RAPGEF2: variants seen among roughly 807,000 people sequenced by gnomAD.
RAPGEF2 encodes the protein PDZ domain containing guanine nucleotide exchange factor (GEF) 1.
RAPGEF2 carries 54 observed loss-of-function variants against 186.7 expected under a neutral mutation model. The observed-to-expected ratio is 0.29, with a 90% confidence interval of 0.23 to 0.36. RAPGEF2 has a LOEUF of 0.36. Among genes scored for constraint, RAPGEF2 ranks in the 10% least tolerant of loss-of-function variants. The pLI is 1.00. For missense variants in RAPGEF2, 1,532 were observed against 2,045.0 expected, an observed-to-expected ratio of 0.75 and a Z score of 4.84; for synonymous variants, 712 against 705.9, an observed-to-expected ratio of 1.01 and a Z score of -0.14.
Position 159,104,242 on chromosome 4 carries a change from G to C in RAPGEF2, c.69+11G>C, listed in dbSNP as rs781069488. 4 of 1,374,172 alleles carry C rather than the reference G, an allele frequency of 2.9e-6. No individual in the cohort carries two copies. Among genetic ancestry groups the C allele is most frequent in the Non-Finnish European group, 3.8e-6 (4 of 1,059,438 alleles). 85.1% of individuals were successfully genotyped at this position (1,374,172 alleles called of 1,614,324 possible). ...GAAAGGACCCCCCAGGTGAGAACGCGGCGGCCGCCTGCCCTTGGCCGGATT... is the reference window on the plus strand; with the variant it reads ...GAAAGGACCCCCCAGGTGAGAACGCCGCGGCCGCCTGCCCTTGGCCGGATT... On this transcript the variant is annotated intron_variant, in intron 1 of 29. Transcript: ENST00000691494.
intron 8 of RAPGEF2, among the ~76,000 whole-genome samples, chr4:159,306,391 A>G (rs992053948): frequency 1.3e-4 from 20 of 152,030 alleles, no homozygotes; most frequent in African/African-American, 4.8e-4. Flanking sequence ...TTCTGTAGCT[A>G]TTGCAAATGA....
chr4:159,257,311 C>T (rs1756293982), intron 7 of RAPGEF2, among the ~76,000 whole-genome samples: 1 of 152,144 alleles, frequency 6.6e-6, no homozygotes, highest in Admixed American at 6.6e-5. Flanking sequence ...GGGGAAACCT[C>T]ACAATCATGG....
At chr4:159,358,061 A>C in intron 29 of RAPGEF2, 53 bp from the exon 30 acceptor site, 3 of 1,574,662 alleles carry the variant, frequency 1.9e-6, no homozygotes, top group Middle Eastern at 1.7e-4. Flanking sequence ...CTATAGCACA[A>C]GAAATTACTT....
chr4:159,221,802 A>C (rs778471492), intron 4 of RAPGEF2, among the ~76,000 whole-genome samples: 1 of 152,214 alleles, frequency 6.6e-6, no homozygotes, highest in Non-Finnish European at 1.5e-5. Context: ...TATAAGGCAA[A>C]GGCTTAAAGA....
intron 3 of RAPGEF2, among the ~76,000 whole-genome samples, chr4:159,203,480 G>C (rs1749660620): frequency 6.6e-6 from 1 of 152,194 alleles, no homozygotes; most frequent in African/African-American, 2.4e-5. Flanking sequence ...GCACTGGGAA[G>C]CTGGAAGAAA....
intron 5 of RAPGEF2, among the ~76,000 whole-genome samples, chr4:159,239,333 G>A (rs1048738114): frequency 2.6e-5 from 4 of 152,144 alleles, no homozygotes; most frequent in African/African-American, 9.6e-5. Context: ...ATAACCAAAT[G>A]GAACTTGTGT....
At chr4:159,206,874 C>T (rs1279651270) in intron 3 of RAPGEF2, among the ~76,000 whole-genome samples, 1 of 152,194 alleles carries the variant, frequency 6.6e-6, no homozygotes, top group African/African-American at 2.4e-5. Context: ...AGGGGTTTTT[C>T]TAGCTTACAA....
At chr4:159,320,864 T>C (rs1765157358) in intron 9 of RAPGEF2, among the ~76,000 whole-genome samples, 1 of 152,010 alleles carries the variant, frequency 6.6e-6, no homozygotes, top group Non-Finnish European at 1.5e-5. Flanking sequence ...ACAAGAAACA[T>C]CTAGTATGAT....
intron 7 of RAPGEF2, among the ~76,000 whole-genome samples, chr4:159,286,189 AC>A (rs925955397): frequency 3.1e-4 from 47 of 151,684 alleles, no homozygotes; most frequent in African/African-American, 1.0e-3. Flanking sequence ...ACATATTGAA[AC>A]CCCAAACCTA....
chr4:159,137,023 G>T (rs1004264022), intron 1 of RAPGEF2, among the ~76,000 whole-genome samples: 1 of 152,126 alleles, frequency 6.6e-6, no homozygotes, highest in Admixed American at 6.6e-5. Context: ...ATCATCATAG[G>T]TTATTTGTAA....
chr4:159,104,512 G>A (rs1253267746), intron 1 of RAPGEF2, among the ~76,000 whole-genome samples: 3 of 130,468 alleles, frequency 2.3e-5, no homozygotes, highest in Non-Finnish European at 4.7e-5. Context: ...GAGAGAGAGA[G>A]AGAGAGAGAG....
At chr4:159,298,813 C>T (rs1217330896) in intron 7 of RAPGEF2, among the ~76,000 whole-genome samples, 1 of 152,120 alleles carries the variant, frequency 6.6e-6, no homozygotes, top group Non-Finnish European at 1.5e-5. Flanking sequence ...CTGGAAGGGA[C>T]CTGCGCCTTG....
intron 7 of RAPGEF2, among the ~76,000 whole-genome samples, chr4:159,299,977 C>T (rs1053669473): frequency 1.3e-5 from 2 of 151,786 alleles, no homozygotes; most frequent in African/African-American, 4.8e-5. Flanking sequence ...TTCCTGTGTG[C>T]CAGGCACTTC....
intron 1 of RAPGEF2, among the ~76,000 whole-genome samples, chr4:159,185,198 A>T (rs10020905): frequency 0.45 from 68,463 of 152,010 alleles, 16,250 homozygotes; most frequent in African/African-American, 0.6. Flanking sequence ...AGAGCTTGGA[A>T]TCCTCATACA....
chr4:159,156,603 T>A (rs951886272), intron 1 of RAPGEF2, among the ~76,000 whole-genome samples: 6 of 152,150 alleles, frequency 3.9e-5, no homozygotes, highest in Admixed American at 2.0e-4. Flanking sequence ...TCATTTACAT[T>A]AGGTATTTCT....
chr4:159,231,803 A>C (rs1026860847), intron 4 of RAPGEF2, among the ~76,000 whole-genome samples: 1 of 152,148 alleles, frequency 6.6e-6, no homozygotes, highest in East Asian at 1.9e-4. Flanking sequence ...ATAATCCAAA[A>C]TCAAAGCACT....
intron 8 of RAPGEF2, among the ~76,000 whole-genome samples, chr4:159,313,298 G>GA (rs1764168871): frequency 6.6e-6 from 1 of 152,226 alleles, no homozygotes; most frequent in Non-Finnish European, 1.5e-5. Context: ...TTAAGACTCT[G>GA]AAGCCAGAAT....
intron 1 of RAPGEF2, among the ~76,000 whole-genome samples, chr4:159,118,353 A>G (rs560211880): frequency 2.0e-5 from 3 of 152,280 alleles, no homozygotes; most frequent in African/African-American, 7.2e-5. Context: ...ATCATCCCCT[A>G]GTTGCAGGAA....
In RAPGEF2 at chr4:159,115,106, C is replaced by T. The variant is rs115530610; in HGVS notation, c.69+10875C>T. Among the ~76,000 whole-genome samples, 1,290 of 152,258 alleles carry T rather than the reference C, an allele frequency of 8.5e-3. 23 individuals are homozygous for T. The highest frequency in any genetic ancestry group is 0.029 in the African/African-American group (1,226 of 41,560). On this transcript the variant is annotated intron_variant, in intron 1 of 29. Transcript: ENST00000691494. ...AGGTTATAAAGTCAGCCCCCCTCCC[C>T]AGTCCCACGGATTAGCCAACTATCT...
Sources: allele counts gnomAD v4.1 joint callset (sites outside exome capture counted in the v4.1 genomes callset), GRCh38; gene constraint gnomAD v4.1.1; transcripts MANE v1.5; gene names NCBI Gene and HGNC (gene_info 2026-07-23, HGNC 2026-07-21).